Variants in SLIT3 observed in about 807,000 individuals in gnomAD.
SLIT3 encodes the protein slit homolog 3 protein.
SLIT3 carries 68 observed loss-of-function variants against 184.0 expected under a neutral mutation model. The ratio of observed to expected loss-of-function variants is 0.37; its 90% CI spans 0.30 to 0.45. SLIT3 has a LOEUF of 0.45. SLIT3 is among the 20% of genes least tolerant of loss of function. SLIT3 has a pLI of 1.00. For synonymous variants in SLIT3, 831 were observed against 828.6 expected (o/e 1.00, Z -0.05); for missense variants, 1,707 against 2,026.0 (o/e 0.84, Z 3.02).
chr5:168,705,314 A>G (rs554140577), intron 26 of SLIT3, among the ~76,000 whole-genome samples: 121 of 152,270 alleles, frequency 7.9e-4, no homozygotes, highest in African/African-American at 2.8e-3. Flanking sequence ...TCATTTTAGG[A>G]ACTGTATTCT....
At chr5:169,244,604 T>C (rs932002042) in intron 3 of SLIT3, 101 bp downstream of exon 3, 4 of 988,138 alleles carry the variant, frequency 4.0e-6, no homozygotes, top group African/African-American at 3.3e-5. Flanking sequence ...AGACCTTTTT[T>C]AACAAGGTTA....
intron 4 of SLIT3, among the ~76,000 whole-genome samples, chr5:168,913,588 TA>T (rs1761327870): frequency 1.3e-5 from 2 of 151,850 alleles, no homozygotes; most frequent in Admixed American, 1.3e-4. Flanking sequence ...GCCAACGTGG[TA>T]AAACCCTGTC....
chr5:168,834,302 G>A (rs933969635), intron 6 of SLIT3, among the ~76,000 whole-genome samples: 9 of 152,078 alleles, frequency 5.9e-5, no homozygotes, highest in African/African-American at 1.9e-4. Context: ...ACACTGAAAG[G>A]GCTTCCTTTT....
At chr5:168,922,881 T>A (rs1366667167) in intron 4 of SLIT3, among the ~76,000 whole-genome samples, 1 of 152,208 alleles carries the variant, frequency 6.6e-6, no homozygotes, top group African/African-American at 2.4e-5. Flanking sequence ...ACTCTCACTA[T>A]CCTAAATGCA....
intron 4 of SLIT3, among the ~76,000 whole-genome samples, chr5:169,035,954 T>A (rs1757229231): frequency 6.6e-6 from 1 of 152,148 alleles, no homozygotes; most frequent in Non-Finnish European, 1.5e-5. Flanking sequence ...TCTTTCCCCA[T>A]CCCTAATTTT....
chr5:169,075,113 G>A (rs1758689100), intron 4 of SLIT3, among the ~76,000 whole-genome samples: 1 of 152,040 alleles, frequency 6.6e-6, no homozygotes, highest in African/African-American at 2.4e-5. Context: ...GAGAGACTCT[G>A]CTTATGGCTG....
intron 4 of SLIT3, among the ~76,000 whole-genome samples, chr5:168,910,604 C>T (rs1383524406): frequency 1.3e-5 from 2 of 151,716 alleles, no homozygotes; most frequent in African/African-American, 2.4e-5. Context: ...AAATTAGCCG[C>T]GTGTGGTGGC....
rs150156438 is a variant in SLIT3, at chr5:169,137,886, T to A, written c.413+55593A>T. On this transcript the variant is annotated intron_variant, in intron 4 of 35. Coordinates refer to ENST00000519560, the MANE Select transcript of SLIT3 (RefSeq NM_003062.4). ...ACCTGTGGGCTCCTTTTATGACCTT[T>A]TCCTCATCTCCAGGACTCCTGGGCC... Among the ~76,000 whole-genome samples, 178 of 152,276 alleles carry A rather than the reference T, an allele frequency of 1.2e-3. 1 individual carries two copies. The highest frequency in any genetic ancestry group is 3.9e-3 in the African/African-American group (164 of 41,544).
intron 8 of SLIT3, among the ~76,000 whole-genome samples, chr5:168,810,637 GCTCT>G (rs1757130888): frequency 1.3e-5 from 2 of 152,218 alleles, no homozygotes; most frequent in African/African-American, 4.8e-5. Context: ...TCGGCTCTGG[GCTCT>G]CTATCTGAAG....
intron 4 of SLIT3, chr5:169,024,420 TC>T (rs982624794): frequency 6.6e-6 from 1 of 152,204 alleles, no homozygotes; most frequent in Non-Finnish European, 1.5e-5. Context: ...GGCAAACTTT[TC>T]CACGGGGGAG....
At position 168,760,630 on chromosome 5, in the gene SLIT3, A is replaced by C. The variant is rs889574640; in HGVS notation, c.1685+232T>G. 2.6e-5 allele frequency among the ~76,000 whole-genome samples: 4 copies of C among 152,122 alleles called. No individual in the cohort carries two copies. The East Asian group carries it at 7.8e-4, about 29-fold the overall frequency. On this transcript the variant is annotated intron_variant, in intron 16 of 35. Coordinates refer to ENST00000519560, the MANE Select transcript of SLIT3 (RefSeq NM_003062.4). The stretch of plus-strand genomic sequence containing the variant: ...CAGAGGGTCCAGGGAGGGGTCAGGG[A>C]TGGTGTGGAATGCTCGCTCTGTATA...
In SLIT3 at chr5:168,860,672, C is replaced by G. The variant is rs143435085; in HGVS notation, c.486-16017G>C. ...TCCATATCCTAACCACCAGCTGTAT[C>G]TAGCTCACACACCAAGCCAGCCTTT... On this transcript the variant is annotated intron_variant, in intron 5 of 35. Transcript: ENST00000519560. Among the ~76,000 whole-genome samples the G allele has an allele frequency of 8.8e-3, 1,338 of 152,264 alleles. 21 individuals are homozygous for G. Among genetic ancestry groups the G allele is most frequent in the African/African-American group, 0.03 (1,235 of 41,544 alleles).
intron 27 of SLIT3, among the ~76,000 whole-genome samples, chr5:168,697,611 C>A (rs1367687963): frequency 6.6e-6 from 1 of 152,190 alleles, no homozygotes. Context: ...AAAAAGTAAA[C>A]TACACTCAGC....
intron 5 of SLIT3, among the ~76,000 whole-genome samples, chr5:168,874,192 C>T (rs2113772572): frequency 6.6e-6 from 1 of 152,208 alleles, no homozygotes; most frequent in East Asian, 1.9e-4. Flanking sequence ...GTCCACAAAT[C>T]AAATTGTCTC....
chr5:168,843,078 A>G (rs776240396), intron 6 of SLIT3, among the ~76,000 whole-genome samples: 16 of 152,142 alleles, frequency 1.1e-4, no homozygotes, highest in Non-Finnish European at 1.5e-4. Context: ...GTGAGGAGAG[A>G]CAATCTATCT....
chr5:168,812,049 T>C (rs150138804), intron 8 of SLIT3, among the ~76,000 whole-genome samples: 110 of 152,350 alleles, frequency 7.2e-4, no homozygotes, highest in African/African-American at 2.6e-3. Flanking sequence ...CTGTCATTTG[T>C]AGCAACATGG....
At chr5:169,115,360 T>C (rs1760621043) in intron 4 of SLIT3, among the ~76,000 whole-genome samples, 1 of 152,224 alleles carries the variant, frequency 6.6e-6, no homozygotes, top group Admixed American at 6.5e-5. Context: ...TTCCTGACCA[T>C]TTACTCACAG....
chr5:169,047,783 C>T (rs765505912), intron 4 of SLIT3, among the ~76,000 whole-genome samples: 7 of 152,062 alleles, frequency 4.6e-5, no homozygotes, highest in African/African-American at 1.2e-4. Flanking sequence ...CTGCTCTTCC[C>T]GCTGTGCTCT....
At chr5:168,933,952 C>G (rs1187924758) in intron 4 of SLIT3, among the ~76,000 whole-genome samples, 1 of 152,190 alleles carries the variant, frequency 6.6e-6, no homozygotes, top group Admixed American at 6.5e-5. Context: ...TCAACCAATA[C>G]TTCTTGAGCA....
Sources: allele counts gnomAD v4.1 joint callset (sites outside exome capture counted in the v4.1 genomes callset), GRCh38; gene constraint gnomAD v4.1.1; transcripts MANE v1.5; gene names NCBI Gene and HGNC (gene_info 2026-07-23, HGNC 2026-07-21).